The following AMY2B variants were observed in gnomAD, a reference collection of about 807,000 sequenced individuals.
AMY2B encodes amylase alpha 2B.
AMY2B carries 63 observed loss-of-function variants against 59.3 expected under a neutral mutation model. The observed-to-expected ratio is 1.06, with a 90% CI of 0.87 to 1.31. The LOEUF is 1.31. Ranked by LOEUF, AMY2B falls within the 50% of genes most tolerant of loss-of-function variation. AMY2B has a pLI of 0.00. For missense variants in AMY2B, 635 were observed against 626.7 expected, an observed-to-expected ratio of 1.01 and a Z score of -0.14; for synonymous variants, 180 against 198.1, an observed-to-expected ratio of 0.91 and a Z score of 0.77.
intron 7 of AMY2B, among the ~76,000 whole-genome samples, chr1:103,576,633 C>A (rs1652365647): frequency 6.6e-6 from 1 of 152,014 alleles, no homozygotes; most frequent in African/African-American, 2.4e-5. Context: ...AATATTAAAA[C>A]TGGTGTCAAT....
chr1:103,572,689 T>G (rs1328527384), intron 2 of AMY2B, among the ~76,000 whole-genome samples: 1 of 152,184 alleles, frequency 6.6e-6, no homozygotes. Context: ...CTCCCTTATT[T>G]GTCTTCAAAA....
Position 103,573,273 on chromosome 1 carries a change from A to G in AMY2B, c.513+13A>G. 6.2e-7 allele frequency: 1 copy of G among 1,613,496 alleles called. No individual in the cohort carries two copies. The highest frequency in any genetic ancestry group is 1.1e-5 in the South Asian group (1 of 91,066). On this transcript the variant is annotated intron_variant, in intron 3 of 9. Transcript: ENST00000684275. ...TGATGCTACTCAGGTAAATTTTTTT[A>G]TGAGAGTCATCTGAATAAGGGGTGA... is the stretch of plus-strand genomic sequence containing the variant.
chr1:103,556,047 C>T (rs1651537583), intron 1 of AMY2B, among the ~76,000 whole-genome samples: 1 of 151,948 alleles, frequency 6.6e-6, no homozygotes. Flanking sequence ...TAAATAGGAG[C>T]ATGTCAAATT....
intron 7 of AMY2B, 62 bp from the exon 8 acceptor site, chr1:103,577,428 A>C: frequency 6.2e-7 from 1 of 1,611,068 alleles, no homozygotes; most frequent in Non-Finnish European, 8.5e-7. Flanking sequence ...GGTTTGGTTT[A>C]AAGGAGAAGG....
chr1:103,571,270 A>C (rs1324591733), upstream of AMY2B: 6 of 717,508 alleles, frequency 8.4e-6, no homozygotes, highest in Middle Eastern at 4.7e-4. Context: ...TTTTGTATGC[A>C]ATTCTCGATC....
At chr1:103,567,721 G>C (rs968200571), upstream of AMY2B, among the ~76,000 whole-genome samples, 5 of 152,158 alleles carry the variant, frequency 3.3e-5, no homozygotes, top group African/African-American at 1.2e-4. Context: ...AGCCTTAACA[G>C]CTCTCTCTTT....
intron 5 of AMY2B, 124 bp from the exon 6 acceptor site, chr1:103,575,099 C>T: frequency 7.8e-7 from 1 of 1,283,132 alleles, no homozygotes; most frequent in Non-Finnish European, 1.1e-6. Context: ...ACAGAATAAC[C>T]ATTTAATTAG....
chr1:103,577,070 A>G (rs1652384547), intron 7 of AMY2B, among the ~76,000 whole-genome samples: 1 of 152,170 alleles, frequency 6.6e-6, no homozygotes, highest in Non-Finnish European at 1.5e-5. Flanking sequence ...CCTCGTCTTT[A>G]CTGAAAATTT....
rs1383158382 is a variant in AMY2B, at chr1:103,557,148, G to GCA, written c.-207+2040_-207+2041insAC. On this transcript the variant is annotated intron_variant, in intron 1 of 11. Coordinates refer to the AMY2B transcript ENST00000361355. Reference sequence around the variant, plus strand: ...ATAGGAAATCTTAAAGCGTGCGCGCGCGCACACACACACACACACACACAT... The same window carrying GCA: ...ATAGGAAATCTTAAAGCGTGCGCGCGCACGCACACACACACACACACACACAT... Among the ~76,000 whole-genome samples the GCA allele has an allele frequency of 2.1e-3, 318 of 149,834 alleles. 1 individual carries two copies. Among genetic ancestry groups the GCA allele is most frequent in the African/African-American group, 7.7e-3 (306 of 39,982 alleles).
intron 1 of AMY2B, chr1:103,561,686 A>G (rs1651740434): frequency 6.6e-6 from 1 of 151,988 alleles, no homozygotes; most frequent in Non-Finnish European, 1.5e-5. Flanking sequence ...ATAAATATAA[A>G]TGGTTCAGGG....
At chr1:103,577,040 A>G (rs1315717557) in intron 7 of AMY2B, among the ~76,000 whole-genome samples, 2 of 152,178 alleles carry the variant, frequency 1.3e-5, no homozygotes, top group African/African-American at 4.8e-5. Context: ...TTCAAGACCT[A>G]TCTGGGCAAG....
At chr1:103,556,808 T>A (rs1225607699) in intron 1 of AMY2B, among the ~76,000 whole-genome samples, 1 of 152,130 alleles carries the variant, frequency 6.6e-6, no homozygotes, top group Non-Finnish European at 1.5e-5. Context: ...GAGTGCTTTT[T>A]GTAATTATTT....
At position 103,577,833 on chromosome 1, in the gene AMY2B, A is replaced by C. The variant is rs370179572; in HGVS notation, c.1334A>C (p.Asn445Thr). Residue 445 changes from asparagine to threonine, a missense_variant, in exon 9 of 10, where the codon AAC (asparagine) becomes ACC (threonine). Physicochemically the swap from Asn to Thr is moderately conservative, Grantham distance 65. Transcript: ENST00000684275. ...GRGNRGFIVFNNDDWTFSLTL... is the reference protein window; with the variant it reads ...GRGNRGFIVFTNDDWTFSLTL... Reference sequence around the variant, plus strand: ...GGAAACAGAGGATTCATTGTTTTCAACAATGATGACTGGTAAGTACATATC... The same window carrying C: ...GGAAACAGAGGATTCATTGTTTTCACCAATGATGACTGGTAAGTACATATC... 1.2e-6 allele frequency: 2 copies of C among 1,603,204 alleles called. No homozygotes were observed. Among genetic ancestry groups the C allele is most frequent in the Admixed American group, 3.3e-5 (2 of 60,012 alleles).
chr1:103,570,543 C>G, upstream of AMY2B: 1 of 607,538 alleles, frequency 1.6e-6, no homozygotes. Flanking sequence ...GATCGCATCC[C>G]CAGAGCACAA....
upstream of AMY2B, among the ~76,000 whole-genome samples, chr1:103,566,826 A>G (rs1335027552): frequency 4.6e-5 from 7 of 152,148 alleles, no homozygotes; most frequent in African/African-American, 1.4e-4. Flanking sequence ...TTATTGCACA[A>G]TTTCTAATAT....
chr1:103,569,307 T>C (rs1652023095), upstream of AMY2B: 1 of 157,132 alleles, frequency 6.4e-6, no homozygotes, highest in Non-Finnish European at 1.4e-5. Flanking sequence ...ATAAGGACTG[T>C]GTAGATATGT....
At chr1:103,568,181 A>G (rs189361891), upstream of AMY2B, among the ~76,000 whole-genome samples, 3 of 152,296 alleles carry the variant, frequency 2.0e-5, no homozygotes, top group East Asian at 5.8e-4. Context: ...TGTCTTTTTC[A>G]TAATTGTCTC....
intron 1 of AMY2B, chr1:103,555,286 C>T (rs1651513455): frequency 6.6e-6 from 1 of 151,424 alleles, no homozygotes; most frequent in South Asian, 2.1e-4. Flanking sequence ...TCTAGGAAAA[C>T]ATAATATTAT....
upstream of AMY2B, among the ~76,000 whole-genome samples, chr1:103,567,639 T>A (rs1258122579): frequency 6.6e-6 from 1 of 152,144 alleles, no homozygotes; most frequent in Non-Finnish European, 1.5e-5. Context: ...TATCCTCCTA[T>A]AATCTGGTTT....
Sources: gnomAD v4.1 joint callset for allele counts (sites outside exome capture counted in the v4.1 genomes callset) on GRCh38, gnomAD v4.1.1 for gene constraint, MANE v1.5 for transcripts, NCBI Gene and HGNC (gene_info 2026-07-23, HGNC 2026-07-21) for gene names.